Variants in IGFL4 observed in about 807,000 individuals in gnomAD.
The protein encoded by IGFL4 is insulin growth factor-like family member 4.
IGFL4 carries 12 observed loss-of-function variants against 15.4 expected under a neutral mutation model. The observed-to-expected ratio is 0.78, with a 90% confidence interval of 0.50 to 1.26. The LOEUF (loss-of-function observed/expected upper bound fraction) is 1.26. IGFL4 is among the 50% of genes most tolerant of loss of function. IGFL4 has a pLI of 0.00. For missense variants in IGFL4, 126 were observed against 147.8 expected, an observed-to-expected ratio of 0.85 and a Z score of 0.76; for synonymous variants, 54 against 55.9, an observed-to-expected ratio of 0.97 and a Z score of 0.16.
At chr19:46,061,683 A>G (rs1050603397) in intron 1 of IGFL4, among the ~76,000 whole-genome samples, 1 of 152,170 alleles carries the variant, frequency 6.6e-6, no homozygotes, top group Admixed American at 6.5e-5. Flanking sequence ...TAATTTTACC[A>G]TGCATTTAAT....
At chr19:46,076,829 C>G (rs1007616478) in intron 1 of IGFL4, among the ~76,000 whole-genome samples, 7 of 152,068 alleles carry the variant, frequency 4.6e-5, no homozygotes, top group African/African-American at 1.7e-4. Flanking sequence ...CCTGGCTGCC[C>G]GGCACTTCTA....
chr19:46,072,366 C>A (rs763745743), intron 1 of IGFL4, among the ~76,000 whole-genome samples: 2 of 152,124 alleles, frequency 1.3e-5, no homozygotes, highest in Non-Finnish European at 2.9e-5. Context: ...GAAGTGCGAG[C>A]CCCCCAAATC....
chr19:46,059,971 C>T (rs1238265743), intron 2 of IGFL4: 1 of 152,162 alleles, frequency 6.6e-6, no homozygotes, highest in Non-Finnish European at 1.5e-5. Flanking sequence ...GAACCCTGTA[C>T]AGGGACTGTG....
intron 2 of IGFL4, chr19:46,057,634 T>C (rs1433474945): frequency 6.6e-6 from 1 of 152,204 alleles, no homozygotes; most frequent in Non-Finnish European, 1.5e-5. Context: ...TATACTAGTC[T>C]GCTCTCATGC....
At chr19:46,070,274 C>G (rs1053317524) in intron 1 of IGFL4, among the ~76,000 whole-genome samples, 1 of 151,974 alleles carries the variant, frequency 6.6e-6, no homozygotes, top group Non-Finnish European at 1.5e-5. Flanking sequence ...GCTTTTGTTA[C>G]TATACATTTT....
intron 1 of IGFL4, among the ~76,000 whole-genome samples, chr19:46,061,961 T>C (rs1969449415): frequency 6.6e-6 from 1 of 152,078 alleles, no homozygotes; most frequent in African/African-American, 2.4e-5. Context: ...ATCAAAACCA[T>C]CACATAACAC....
rs148102953 is a variant in IGFL4 at position 46,040,357 on chromosome 19, A to C, written c.130T>G (p.Leu44Val). The C allele has an allele frequency of 1.1e-5, 18 of 1,614,196 alleles. No individual in the cohort carries two copies. In the East Asian group the frequency reaches 4.0e-4, roughly 36 times the overall value. Residue 44 changes from leucine (L) to valine (V), a missense_variant, in exon 3 of 4, where the codon TTG (leucine) becomes GTG (valine). Coordinates refer to ENST00000377697, the MANE Select transcript of IGFL4 (RefSeq NM_001002923.3). The surrounding 1 kb of genome is among the most constrained non-coding windows in gnomAD (Gnocchi z 4.1). ...ACACCGTCATCACAGCACTGCTCCA[A>C]GGGGTTGTAGGTCCACTCCCCGCAC... Reference protein sequence around the residue: ...PRCGEWTYNPLEQCCDDGVIL... With the variant: ...PRCGEWTYNPVEQCCDDGVIL...
chr19:46,073,112 T>G (rs1248313357), intron 1 of IGFL4, among the ~76,000 whole-genome samples: 2 of 152,218 alleles, frequency 1.3e-5, no homozygotes, highest in Admixed American at 6.5e-5. Context: ...ATTCATTTCC[T>G]ACTTTCAATA....
intron 1 of IGFL4, among the ~76,000 whole-genome samples, chr19:46,067,477 T>A (rs1969506098): frequency 6.6e-6 from 1 of 152,074 alleles, no homozygotes; most frequent in African/African-American, 2.4e-5. Context: ...ATGAGCCTGA[T>A]CCCAGAAGAA....
intron 2 of IGFL4, among the ~76,000 whole-genome samples, chr19:46,056,737 C>T (rs1165727232): frequency 6.6e-6 from 1 of 152,098 alleles, no homozygotes; most frequent in Non-Finnish European, 1.5e-5. Flanking sequence ...CAAGTCCTCC[C>T]TTTGAGCTGG....
intron 2 of IGFL4, among the ~76,000 whole-genome samples, chr19:46,049,235 A>G (rs1202094679): frequency 6.6e-6 from 1 of 152,214 alleles, no homozygotes; most frequent in Non-Finnish European, 1.5e-5. Flanking sequence ...AAGAACAACC[A>G]CAGGAACATA....
In IGFL4 at chr19:46,040,225, C is replaced by T; in HGVS notation, c.262G>A (p.Val88Met). 1 of 1,614,168 alleles carries T rather than the reference C, an allele frequency of 6.2e-7. No homozygotes were observed. Among genetic ancestry groups the T allele is most frequent in the Non-Finnish European group, 8.5e-7 (1 of 1,180,036 alleles). ...ESLGSQNQTV[V>M]RFKVPGMKPD... is the part of the protein sequence containing the mutation. ...TTCATGCCTGGGACCTTGAACCTCA[C>T]AACTGTCTGGTTCTGAGAGCCCAAA... Residue 88 changes from valine to methionine, a missense_variant, in exon 3 of 4, where the codon GTG (valine) becomes ATG (methionine). By Grantham distance (21) the Val-to-Met change is conservative. Coordinates refer to ENST00000377697, the MANE Select transcript of IGFL4 (RefSeq NM_001002923.3). This position sits in a 1 kb window ranked among gnomAD's most constrained non-coding sequence, Gnocchi z 4.1.
intron 2 of IGFL4, among the ~76,000 whole-genome samples, chr19:46,054,002 G>A (rs566895061): frequency 6.6e-6 from 1 of 152,140 alleles, no homozygotes; most frequent in South Asian, 2.1e-4. Context: ...TGAGTTTTTT[G>A]TATATTCTGG....
At chr19:46,067,961 G>A (rs1036601505) in intron 1 of IGFL4, among the ~76,000 whole-genome samples, 7 of 152,166 alleles carry the variant, frequency 4.6e-5, no homozygotes, top group Non-Finnish European at 1.0e-4. Context: ...TGGTCCCTTG[G>A]ATCAAAAGAC....
chr19:46,070,172 A>C (rs533644451), intron 1 of IGFL4, among the ~76,000 whole-genome samples: 1 of 151,626 alleles, frequency 6.6e-6, no homozygotes, highest in Admixed American at 6.6e-5. Flanking sequence ...TTATCTCCTA[A>C]AACTTGAGGA....
chr19:46,071,632 C>A (rs1969546885), intron 1 of IGFL4, among the ~76,000 whole-genome samples: 1 of 152,182 alleles, frequency 6.6e-6, no homozygotes, highest in Non-Finnish European at 1.5e-5. Flanking sequence ...TGGACACCAG[C>A]AGAATGAATT....
At chr19:46,041,839 T>A (rs369755575), upstream of IGFL4, among the ~76,000 whole-genome samples, 1 of 36,928 alleles carries the variant, frequency 2.7e-5, no homozygotes, top group Non-Finnish European at 8.8e-5. Flanking sequence ...CTCTCTCTCT[T>A]TTTTTTTTTT....
intron 1 of IGFL4, among the ~76,000 whole-genome samples, chr19:46,068,115 C>T (rs1228225073): frequency 2.0e-5 from 3 of 152,224 alleles, no homozygotes; most frequent in African/African-American, 4.8e-5. Flanking sequence ...TGGGTCCTCC[C>T]AAGAGGGGAC....
intron 1 of IGFL4, among the ~76,000 whole-genome samples, chr19:46,066,028 T>C (rs904021273): frequency 2.0e-5 from 3 of 152,176 alleles, no homozygotes; most frequent in Non-Finnish European, 4.4e-5. Flanking sequence ...CCCTTAAGGC[T>C]GAAAGTGGAA....
Sources: gnomAD v4.1 joint callset for allele counts (sites outside exome capture counted in the v4.1 genomes callset) on GRCh38, gnomAD v4.1.1 for gene constraint, Gnocchi (gnomAD v3.1) non-coding constraint, MANE v1.5 for transcripts, NCBI Gene and HGNC (gene_info 2026-07-23, HGNC 2026-07-21) for gene names.